The following NUP62CL variants were observed in gnomAD, a reference collection of about 807,000 sequenced individuals.
NUP62CL encodes the protein nucleoporin 62 C-terminal like.
NUP62CL carries 13 observed loss-of-function variants against 15.3 expected under a neutral mutation model. The ratio of observed to expected loss-of-function variants is 0.85; its 90% CI spans 0.55 to 1.35. The LOEUF (loss-of-function observed/expected upper bound fraction) is 1.35. Among genes scored for constraint, NUP62CL ranks in the 40% most tolerant of loss-of-function variants. NUP62CL has a pLI of 0.00. For synonymous variants in NUP62CL, 54 were observed against 49.2 expected (o/e 1.10, Z -0.41); for missense variants, 123 against 130.6 (o/e 0.94, Z 0.28).
intron 8 of NUP62CL, among the ~76,000 whole-genome samples, chrX:107,137,413 A>G (rs1925666613): frequency 8.9e-6 from 1 of 112,057 alleles, no homozygotes. Flanking sequence ...AAGAAAAAGA[A>G]ATAAATGACA....
intron 7 of NUP62CL, among the ~76,000 whole-genome samples, chrX:107,152,094 ATT>A (rs1926040102): frequency 1.4e-5 from 1 of 69,828 alleles, no homozygotes; most frequent in Admixed American, 1.9e-4. Context: ...ATATATATAT[ATT>A]CAGATATATA....
At position 107,175,185 on chromosome X, in the gene NUP62CL, G is replaced by A; in HGVS notation, c.-39C>T. On this transcript the variant is annotated 5_prime_UTR_variant, in exon 3 of 9. Coordinates refer to ENST00000372466, the MANE Select transcript of NUP62CL (RefSeq NM_017681.3). ...GTGGTGGTGGCAACAGCAGCTGCTGGAGCCAAACCTAAAAATCAAAGTAAC... is the reference window on the plus strand; with the variant it reads ...GTGGTGGTGGCAACAGCAGCTGCTGAAGCCAAACCTAAAAATCAAAGTAAC... The A allele has an allele frequency of 5.0e-6, 5 of 996,787 alleles. No homozygotes were observed. The highest frequency in any genetic ancestry group is 6.9e-6 in the Non-Finnish European group (5 of 724,447). 82.1% of individuals were successfully genotyped at this position (996,787 alleles called of 1,213,427 possible).
intron 3 of NUP62CL, among the ~76,000 whole-genome samples, chrX:107,169,306 A>T (rs1926590700): frequency 8.9e-6 from 1 of 111,765 alleles, no homozygotes; most frequent in South Asian, 3.8e-4. Flanking sequence ...AACCAATGAG[A>T]AATTTAAAAA....
intron 8 of NUP62CL, among the ~76,000 whole-genome samples, chrX:107,126,875 A>G (rs1925398373): frequency 9.0e-6 from 1 of 111,577 alleles, no homozygotes; most frequent in Non-Finnish European, 1.9e-5. Context: ...ATCTACTAAA[A>G]ATACAAAAAT....
intron 4 of NUP62CL, among the ~76,000 whole-genome samples, chrX:107,156,160 A>G: frequency 9.0e-6 from 1 of 111,669 alleles, no homozygotes; most frequent in Middle Eastern, 4.6e-3. Flanking sequence ...TTGCTAGCAC[A>G]GCAGTCTGAG....
intron 4 of NUP62CL, among the ~76,000 whole-genome samples, chrX:107,162,902 T>A (rs1172046265): frequency 9.0e-6 from 1 of 110,703 alleles, no homozygotes; most frequent in Non-Finnish European, 1.9e-5. Flanking sequence ...TAGTTTACTA[T>A]AGGGTTCACG....
Position 107,141,272 on chromosome X carries a change from A to C in NUP62CL, c.*42+6471T>G, listed in dbSNP as rs149496575. ...TTTTAGTACCCTAATCAAACCTACA[A>C]GAAGTTCTTCAGAATCAAGAGACAA... On this transcript the variant is annotated intron_variant, in intron 8 of 8. Transcript: ENST00000372466. Among the ~76,000 whole-genome samples the C allele has an allele frequency of 8.7e-3, 981 of 112,431 alleles. 18 individuals carry two copies. Among genetic ancestry groups the C allele is most frequent in the African/African-American group, 0.03 (919 of 30,959 alleles).
intron 3 of NUP62CL, among the ~76,000 whole-genome samples, chrX:107,172,619 A>G (rs953552152): frequency 1.8e-5 from 2 of 111,549 alleles, no homozygotes; most frequent in African/African-American, 6.5e-5. Flanking sequence ...AATTTAGAAT[A>G]GGTCTAGGGA....
chrX:107,152,099 G>GATAT lies in NUP62CL; in HGVS notation c.530+1069_530+1072dup, dbSNP rs746505025. Among the ~76,000 whole-genome samples, 73 of 38,815 alleles carry GATAT rather than the reference G, an allele frequency of 1.9e-3. 5 individuals carry two copies. Among genetic ancestry groups the GATAT allele is most frequent in the African/African-American group, 0.011 (68 of 6,268 alleles). The allele number at this position is 38,815 out of a possible 115,157, so 33.7% of individuals were successfully genotyped here. ...ATTCAGATATATATATATATATTCA[G>GATAT]ATATATATATATATTCAGATATATA... On this transcript the variant is annotated intron_variant, in intron 7 of 8. Transcript: ENST00000372466.
intron 3 of NUP62CL, 80 bp from the exon 4 acceptor site, chrX:107,167,864 A>T (rs1018307817): frequency 9.1e-5 from 83 of 915,982 alleles, no homozygotes; most frequent in Non-Finnish European, 1.2e-4. Context: ...ATTTAAAATT[A>T]TGGAGGCATT....
rs1463835221 is a variant in NUP62CL, at chrX:107,176,285, T to A, written c.-47-1092A>T. ...TTTAGGGTGTAAGTCGGATAGTTTA[T>A]CAGAGATAACCAGGGAAAAAGAAAG... On this transcript the variant is annotated intron_variant, in intron 2 of 8. Transcript: ENST00000372466. 5.4e-5 allele frequency among the ~76,000 whole-genome samples: 6 copies of A among 111,625 alleles called. No homozygotes were observed. In the East Asian group the frequency reaches 1.7e-3, roughly 31 times the overall value.
intron 8 of NUP62CL, among the ~76,000 whole-genome samples, chrX:107,130,471 T>C (rs1569353188): frequency 8.9e-6 from 1 of 112,372 alleles, no homozygotes; most frequent in East Asian, 2.8e-4. Flanking sequence ...GTTTACTTCC[T>C]ATGCACTCTT....
At chrX:107,126,753 G>A (rs1179340840) in intron 8 of NUP62CL, among the ~76,000 whole-genome samples, 1 of 112,428 alleles carries the variant, frequency 8.9e-6, no homozygotes, top group African/African-American at 3.2e-5. Context: ...ACAACAAGAG[G>A]CTGGGTGCTG....
At chrX:107,137,907 C>T (rs190771658) in intron 8 of NUP62CL, among the ~76,000 whole-genome samples, 2 of 111,471 alleles carry the variant, frequency 1.8e-5, no homozygotes, top group African/African-American at 6.5e-5. Flanking sequence ...AATCATTCTA[C>T]CAGATACTAA....
At chrX:107,205,583 C>T (rs773315373) in intron 1 of NUP62CL, among the ~76,000 whole-genome samples, 4 of 111,033 alleles carry the variant, frequency 3.6e-5, no homozygotes, top group South Asian at 7.7e-4. Flanking sequence ...AATCAAATTC[C>T]AATACCTGAA....
chrX:107,147,854 G>A, intron 7 of NUP62CL, 45 bp from the exon 8 acceptor site: 5 of 1,013,752 alleles, frequency 4.9e-6, no homozygotes, highest in East Asian at 3.1e-5. Flanking sequence ...ATTCTGAGGT[G>A]GTAAATAAAA....
intron 7 of NUP62CL, among the ~76,000 whole-genome samples, chrX:107,152,778 A>T (rs1000086303): frequency 2.7e-5 from 3 of 112,193 alleles, no homozygotes. Flanking sequence ...AAGCAATTGC[A>T]TGACTATTAG....
At chrX:107,203,677 C>G (rs1244361251) in intron 1 of NUP62CL, among the ~76,000 whole-genome samples, 1 of 110,632 alleles carries the variant, frequency 9.0e-6, no homozygotes, top group Non-Finnish European at 1.9e-5. Flanking sequence ...AAGATCATCA[C>G]AACACAGAAA....
At chrX:107,191,962 A>G (rs962748456) in intron 2 of NUP62CL, among the ~76,000 whole-genome samples, 2 of 112,038 alleles carry the variant, frequency 1.8e-5, no homozygotes, top group Non-Finnish European at 3.8e-5. Flanking sequence ...GCATTCAATT[A>G]CAAGTTATTA....
Sources: allele counts gnomAD v4.1 joint callset (sites outside exome capture counted in the v4.1 genomes callset), GRCh38; gene constraint gnomAD v4.1.1; transcripts MANE v1.5; gene names NCBI Gene and HGNC (gene_info 2026-07-23, HGNC 2026-07-21).